Variants in TSPAN7 observed in about 807,000 individuals in gnomAD.
TSPAN7 encodes the protein tetraspanin-7.
A neutral mutation model predicts 17.6 loss-of-function variants in TSPAN7; 1 was observed. That is an observed-to-expected ratio of 0.06 (90% CI 0.02 to 0.27). TSPAN7 has a LOEUF of 0.27. Among genes scored for constraint, TSPAN7 ranks in the 10% least tolerant of loss-of-function variants. The pLI is 1.00. For missense variants in TSPAN7, 112 were observed against 201.7 expected (o/e 0.56, Z 2.69); for synonymous variants, 78 against 79.0 (o/e 0.99, Z 0.07).
At chrX:38,614,007 C>T (rs774462464) in intron 1 of TSPAN7, among the ~76,000 whole-genome samples, 5 of 106,433 alleles carry the variant, frequency 4.7e-5, no homozygotes, top group Non-Finnish European at 9.7e-5. Context: ...CATCTTTTTC[C>T]CTTGCCTGCT....
chrX:38,668,971 G>A (rs1207516083), intron 2 of TSPAN7, among the ~76,000 whole-genome samples: 1 of 109,943 alleles, frequency 9.1e-6, no homozygotes, highest in East Asian at 2.8e-4. Context: ...GGAGGAGGGA[G>A]AAGCAGAGGT....
At chrX:38,686,279 A>G (rs559595196) in intron 6 of TSPAN7, among the ~76,000 whole-genome samples, 2 of 112,357 alleles carry the variant, frequency 1.8e-5, no homozygotes, top group Admixed American at 1.9e-4. Context: ...AAAAAGGAAG[A>G]TAAGAGATGA....
At chrX:38,613,301 C>G (rs1443454966) in intron 1 of TSPAN7, among the ~76,000 whole-genome samples, 1 of 111,835 alleles carries the variant, frequency 8.9e-6, no homozygotes, top group Non-Finnish European at 1.9e-5. Flanking sequence ...CCAAGGATAT[C>G]ATTGGTATAT....
chrX:38,604,653 C>T (rs994681188), intron 1 of TSPAN7, among the ~76,000 whole-genome samples: 3 of 111,119 alleles, frequency 2.7e-5, no homozygotes, highest in African/African-American at 9.8e-5. Context: ...TGTTTTTTGG[C>T]TGCGTAAATG....
intron 1 of TSPAN7, among the ~76,000 whole-genome samples, chrX:38,638,486 A>G (rs1602108443): frequency 8.9e-6 from 1 of 112,398 alleles, no homozygotes; most frequent in South Asian, 3.7e-4. Flanking sequence ...ATGTGTACGT[A>G]TATGGATATT....
chrX:38,632,008 C>A (rs1047416765), intron 1 of TSPAN7, among the ~76,000 whole-genome samples: 2 of 111,744 alleles, frequency 1.8e-5, no homozygotes, highest in African/African-American at 6.5e-5. Context: ...TTTGATATAT[C>A]TTTTGCAATT....
At chrX:38,639,393 A>G (rs1169736024) in intron 1 of TSPAN7, among the ~76,000 whole-genome samples, 1 of 107,107 alleles carries the variant, frequency 9.3e-6, no homozygotes, top group Admixed American at 1.0e-4. Flanking sequence ...TCCAGCATTC[A>G]TATGCCATGT....
chrX:38,668,936 A>T (rs866389033), intron 2 of TSPAN7, among the ~76,000 whole-genome samples: 13 of 104,196 alleles, frequency 1.2e-4, no homozygotes, highest in Admixed American at 9.4e-4. Flanking sequence ...ATCAGCATTT[A>T]TTTTTTTTTT....
At chrX:38,638,655 A>C (rs753215552) in intron 1 of TSPAN7, among the ~76,000 whole-genome samples, 12 of 111,497 alleles carry the variant, frequency 1.1e-4, no homozygotes, top group African/African-American at 3.6e-4. Context: ...AATTGTGTGG[A>C]ACCTTCCTTA....
intron 6 of TSPAN7, among the ~76,000 whole-genome samples, chrX:38,681,582 G>A (rs12392962): frequency 0.35 from 39,120 of 111,078 alleles, 5,839 homozygotes; most frequent in Middle Eastern, 0.53. Context: ...TGGCATAATT[G>A]GATCATAAAC....
intron 1 of TSPAN7, among the ~76,000 whole-genome samples, chrX:38,644,666 T>G (rs1287964692): frequency 8.9e-6 from 1 of 111,976 alleles, no homozygotes; most frequent in Non-Finnish European, 1.9e-5. Flanking sequence ...CTGTGTGATC[T>G]TAGGCAAATA....
At chrX:38,624,956 A>G (rs1331062559) in intron 1 of TSPAN7, among the ~76,000 whole-genome samples, 1 of 112,668 alleles carries the variant, frequency 8.9e-6, no homozygotes, top group Non-Finnish European at 1.9e-5. Flanking sequence ...AGCAGTTTGC[A>G]GAGGTCTGTC....
At chrX:38,659,461 G>A (rs955053048) in intron 1 of TSPAN7, among the ~76,000 whole-genome samples, 7 of 111,639 alleles carry the variant, frequency 6.3e-5, no homozygotes, top group Non-Finnish European at 1.3e-4. Flanking sequence ...TTGAGATTCT[G>A]ATTTGTTGTA....
chrX:38,687,078 GTC>G (rs1237839462), intron 6 of TSPAN7, among the ~76,000 whole-genome samples: 6 of 111,858 alleles, frequency 5.4e-5, no homozygotes, highest in Non-Finnish European at 1.1e-4. Flanking sequence ...CAAGAATAGT[GTC>G]TCTATTCTTG....
chrX:38,587,303 A>T (rs1270025875), intron 1 of TSPAN7, among the ~76,000 whole-genome samples: 1 of 112,229 alleles, frequency 8.9e-6, no homozygotes, highest in Non-Finnish European at 1.9e-5. Flanking sequence ...GTGAATTATC[A>T]GTTCACATTT....
intron 1 of TSPAN7, among the ~76,000 whole-genome samples, chrX:38,622,175 T>C (rs2069492107): frequency 8.9e-6 from 1 of 112,335 alleles, no homozygotes; most frequent in African/African-American, 3.2e-5. Flanking sequence ...ACTTGAAATG[T>C]TTCATGCTTA....
chrX:38,623,269 A>G lies in TSPAN7; in HGVS notation c.82-42852A>G, dbSNP rs190286252. 3.8e-3 allele frequency among the ~76,000 whole-genome samples: 421 copies of G among 111,615 alleles called. 7 individuals are homozygous for G. Among genetic ancestry groups the G allele is most frequent in the African/African-American group, 0.013 (398 of 30,712 alleles). The stretch of plus-strand genomic sequence containing the variant: ...TTTCTTTTTGAATGATGAGGCAAGC[A>G]CTGAAGTTAATGCCATGTGGTAAGA... On this transcript the variant is annotated intron_variant, in intron 1 of 7. Coordinates refer to ENST00000378482, the MANE Select transcript of TSPAN7 (RefSeq NM_004615.4).
chrX:38,618,232 A>T (rs1455650354), intron 1 of TSPAN7, among the ~76,000 whole-genome samples: 4 of 112,175 alleles, frequency 3.6e-5, no homozygotes, highest in African/African-American at 1.3e-4. Flanking sequence ...TTGTACATTT[A>T]CTTTCTTACT....
At chrX:38,572,365 TGTG>T (rs1236089672) in intron 1 of TSPAN7, among the ~76,000 whole-genome samples, 1 of 111,463 alleles carries the variant, frequency 9.0e-6, no homozygotes, top group Non-Finnish European at 1.9e-5. Flanking sequence ...CTTCCAGAAG[TGTG>T]TTCCTGAAGC....
Sources: allele counts gnomAD v4.1 joint callset (sites outside exome capture counted in the v4.1 genomes callset), GRCh38; gene constraint gnomAD v4.1.1; transcripts MANE v1.5; gene names NCBI Gene and HGNC (gene_info 2026-07-23, HGNC 2026-07-21).